BAIAP2L2: variants seen among roughly 807,000 people sequenced by gnomAD.
BAIAP2L2 encodes the protein BAR/IMD domain containing adaptor protein 2 like 2.
BAIAP2L2 carries 65 observed loss-of-function variants against 60.4 expected under a neutral mutation model. The ratio of observed to expected loss-of-function variants is 1.08; its 90% CI spans 0.88 to 1.32. The LOEUF (loss-of-function observed/expected upper bound fraction) is 1.32. Ranked by LOEUF, BAIAP2L2 falls within the 40% of genes most tolerant of loss-of-function variation. The pLI is 0.00. For synonymous variants in BAIAP2L2, 344 were observed against 301.7 expected (o/e 1.14, Z -1.45); for missense variants, 836 against 741.2 (o/e 1.13, Z -1.48).
chr22:38,103,812 G>A (rs533507707), intron 4 of BAIAP2L2, among the ~76,000 whole-genome samples: 66 of 148,074 alleles, frequency 4.5e-4, no homozygotes, highest in Middle Eastern at 3.6e-3. Context: ...GCAGTGAGCC[G>A]AGATTGCATC....
intron 3 of BAIAP2L2, 114 bp downstream of exon 3, chr22:38,108,141 T>TGGCTCTG: frequency 9.0e-7 from 1 of 1,110,268 alleles, no homozygotes; most frequent in Middle Eastern, 2.8e-4. Context: ...AACAAGAGTC[T>TGGCTCTG]GGCTCTGGGC....
In BAIAP2L2 at chr22:38,109,128, C is replaced by G. The variant is rs1258018984; in HGVS notation, c.127+5G>C. The G allele has an allele frequency of 6.2e-7, 1 of 1,610,816 alleles. No homozygotes were observed. Among genetic ancestry groups the G allele is most frequent in the East Asian group, 2.2e-5 (1 of 44,844 alleles). On this transcript the variant is annotated splice_donor_5th_base_variant and intron_variant, in intron 2 of 13. Coordinates refer to ENST00000381669, the MANE Select transcript of BAIAP2L2 (RefSeq NM_025045.6). ...TGGGGCTCGGTGGCCCGGGCAGGCA[C>G]TCACCGTGGAAGGCACGCAGGTAGT... is the stretch of plus-strand genomic sequence containing the variant.
intron 4 of BAIAP2L2, among the ~76,000 whole-genome samples, chr22:38,099,259 C>A (rs555407498): frequency 2.0e-5 from 3 of 152,256 alleles, no homozygotes; most frequent in African/African-American, 7.2e-5. Flanking sequence ...CCAGCCTGGG[C>A]ATGGTGGCTT....
chr22:38,108,277 C>G lies in BAIAP2L2; in HGVS notation c.192G>C (p.Gln64His). ...CACCCAGAATCTGTGAGGTGGGGCTCTGCAGGGCACGCTCCCCAATCTTCT... is the reference window on the plus strand; with the variant it reads ...CACCCAGAATCTGTGAGGTGGGGCTGTGCAGGGCACGCTCCCCAATCTTCT... ...AIQKIGERAL[Q>H]SPTSQILGEI... Residue 64 changes from glutamine (Q) to histidine (H), a missense_variant, in exon 3 of 14, where the codon CAG becomes CAC. Transcript: ENST00000381669. The G allele has an allele frequency of 6.2e-7, 1 of 1,612,682 alleles. No homozygotes were observed. The highest frequency in any genetic ancestry group is 8.5e-7 in the Non-Finnish European group (1 of 1,179,902).
chr22:38,092,658 T>C lies in BAIAP2L2; in HGVS notation c.613-2984A>G, dbSNP rs188991037. ...CTTAGGAGTTAGATCTTGGATGTTTTAAAGTCCAGCTGGGTCAGACAACAT... is the reference window on the plus strand; with the variant it reads ...CTTAGGAGTTAGATCTTGGATGTTTCAAAGTCCAGCTGGGTCAGACAACAT... On this transcript the variant is annotated intron_variant, in intron 7 of 13. Coordinates refer to ENST00000381669, the MANE Select transcript of BAIAP2L2 (RefSeq NM_025045.6). Among the ~76,000 whole-genome samples, 179 of 152,308 alleles carry C rather than the reference T, an allele frequency of 1.2e-3. 1 individual carries two copies. Among genetic ancestry groups the C allele is most frequent in the African/African-American group, 4.2e-3 (173 of 41,554 alleles).
intron 11 of BAIAP2L2, among the ~76,000 whole-genome samples, 198 bp downstream of exon 11, chr22:38,086,926 G>A (rs1473494553): frequency 2.7e-5 from 4 of 150,482 alleles, no homozygotes; most frequent in African/African-American, 9.8e-5. Flanking sequence ...AATGCAGGAG[G>A]CAGAGGTTGC....
At chr22:38,099,592 G>A (rs538999972) in intron 4 of BAIAP2L2, among the ~76,000 whole-genome samples, 124 of 152,112 alleles carry the variant, frequency 8.2e-4, no homozygotes, top group Admixed American at 2.2e-3. Context: ...AGAGCTTGAT[G>A]AGCTTCGATT....
intron 4 of BAIAP2L2, among the ~76,000 whole-genome samples, chr22:38,101,235 T>TA (rs1204553674): frequency 6.6e-6 from 1 of 151,338 alleles, no homozygotes; most frequent in African/African-American, 2.4e-5. Context: ...GACAGCAAAA[T>TA]AAAAAACTTA....
At chr22:38,098,551 A>T in intron 4 of BAIAP2L2, 69 bp from the exon 5 acceptor site, 2 of 1,315,370 alleles carry the variant, frequency 1.5e-6, no homozygotes, top group Non-Finnish European at 2.2e-6. Context: ...ACCCCCTTGC[A>T]CTTTCTGCTA....
chr22:38,102,168 G>A (rs1268482046), intron 4 of BAIAP2L2, among the ~76,000 whole-genome samples: 1 of 152,120 alleles, frequency 6.6e-6, no homozygotes, highest in Non-Finnish European at 1.5e-5. Context: ...GAAGGTAAGA[G>A]GTCCCTGGTA....
At chr22:38,110,324 C>T in intron 1 of BAIAP2L2, 151 bp downstream of exon 1, 1 of 760,600 alleles carries the variant, frequency 1.3e-6, no homozygotes, top group East Asian at 2.7e-5. Flanking sequence ...GGGATCCTTA[C>T]CCCCGTACCC....
chr22:38,110,021 A>G (rs1436862890), intron 1 of BAIAP2L2, among the ~76,000 whole-genome samples: 1 of 73,328 alleles, frequency 1.4e-5, no homozygotes, highest in Non-Finnish European at 2.7e-5. Context: ...AGGGGCTCAG[A>G]AATGAGAGAG....
chr22:38,086,563 C>T (rs1397324781), intron 11 of BAIAP2L2, 114 bp from the exon 12 acceptor site: 2 of 780,406 alleles, frequency 2.6e-6, no homozygotes, highest in South Asian at 1.9e-5. Context: ...CCTCCCCGCA[C>T]CTGCATGAAA....
At chr22:38,108,401 C>T in intron 2 of BAIAP2L2, 60 bp from the exon 3 acceptor site, 1 of 1,320,838 alleles carries the variant, frequency 7.6e-7, no homozygotes. Context: ...CTTCTGGAGG[C>T]TCTTTTCATC....
At position 38,086,296 on chromosome 22, in the gene BAIAP2L2, C is replaced by T. The variant is rs1309472663; in HGVS notation, c.1413G>A (p.Leu471=). 6.3e-7 allele frequency: 1 copy of T among 1,587,684 alleles called. No homozygotes were observed. Among genetic ancestry groups the T allele is most frequent in the Non-Finnish European group, 8.6e-7 (1 of 1,163,436 alleles). ...CCATGCTGCTGCGGCGGCTGCTGGG[C>T]AAGGGTGGAGGTGCAGGGCTGGGGG... The part of the protein sequence containing the change: ...SRAPSPAPPP[L]PSSRRSSMGS... The change falls in exon 12 of 14, where the codon TTG becomes TTA. Residue 471 remains leucine, a synonymous_variant. Transcript: ENST00000381669.
intron 1 of BAIAP2L2, among the ~76,000 whole-genome samples, chr22:38,110,130 A>ACAGAGAGAGAGAGAGGGAGG (rs2086801599): frequency 2.9e-5 from 3 of 103,628 alleles, no homozygotes; most frequent in South Asian, 3.0e-4. Context: ...GGAGAGAGAG[A>ACAGAGAGAGAGAGAGGGAGG]GAGAGAGAGA....
chr22:38,097,470 G>T (rs2086463668), intron 6 of BAIAP2L2, among the ~76,000 whole-genome samples: 1 of 152,252 alleles, frequency 6.6e-6, no homozygotes, highest in African/African-American at 2.4e-5. Context: ...CGGGCTGGGG[G>T]GGCAGGGGGA....
chr22:38,101,734 A>T (rs1449518952), intron 4 of BAIAP2L2, among the ~76,000 whole-genome samples: 1 of 151,080 alleles, frequency 6.6e-6, no homozygotes, highest in Non-Finnish European at 1.5e-5. Flanking sequence ...CGCGCCTATA[A>T]TCCCAGCTAT....
At chr22:38,107,815 CGAGT>C (rs1569231590) in intron 4 of BAIAP2L2, 33 bp downstream of exon 4, 2 of 1,597,690 alleles carry the variant, frequency 1.3e-6, no homozygotes, top group South Asian at 2.2e-5. Context: ...CCACTTTCCT[CGAGT>C]GACCCCTCCA....
Sources: allele counts gnomAD v4.1 joint callset (sites outside exome capture counted in the v4.1 genomes callset), GRCh38; gene constraint gnomAD v4.1.1; transcripts MANE v1.5; gene names NCBI Gene and HGNC (gene_info 2026-07-23, HGNC 2026-07-21).